The following CCDC40 variants were observed in gnomAD, a reference collection of about 807,000 sequenced individuals.
CCDC40 encodes coiled-coil domain 40 molecular ruler complex subunit.
In CCDC40, 104 loss-of-function variants were observed where a neutral mutation model predicts 124.5. The ratio of observed to expected loss-of-function variants is 0.84; its 90% CI spans 0.71 to 0.98. CCDC40 has a LOEUF of 0.98. Among genes scored for constraint, CCDC40 ranks in the 50% least tolerant of loss-of-function variants. CCDC40 has a pLI of 0.00. For missense variants in CCDC40, 1,463 were observed against 1,503.9 expected, an observed-to-expected ratio of 0.97 and a Z score of 0.45; for synonymous variants, 580 against 602.9, an observed-to-expected ratio of 0.96 and a Z score of 0.56.
intron 10 of CCDC40, chr17:80,067,123 T>G: frequency 5.7e-6 from 1 of 174,396 alleles, no homozygotes; most frequent in Non-Finnish European, 1.2e-5. Flanking sequence ...TCTCCGAGGC[T>G]CATGGCCTGT....
chr17:80,050,134 A>G lies in CCDC40; in HGVS notation c.1010A>G (p.His337Arg), dbSNP rs1391574936. The G allele has an allele frequency of 6.2e-7, 1 of 1,613,706 alleles. No homozygotes were observed. Among genetic ancestry groups the G allele is most frequent in the Admixed American group, 1.7e-5 (1 of 60,014 alleles). Residue 337 changes from histidine (H) to arginine (R), a missense_variant, in exon 7 of 20, where the codon CAC becomes CGC. Coordinates refer to ENST00000397545, the MANE Select transcript of CCDC40 (RefSeq NM_017950.4). The stretch of plus-strand genomic sequence containing the variant: ...GTGAATCTCTATGAGGTGCAGCAGC[A>G]CCTGGTACACCTGCAGAAGCTGCTG... Reference protein sequence around the residue: ...LGVNLYEVQQHLVHLQKLLEK... With the variant: ...LGVNLYEVQQRLVHLQKLLEK...
Position 80,097,286 on chromosome 17 carries a change from A to G in CCDC40, c.3063A>G (p.Glu1021=), listed in dbSNP as rs200650391. 139 of 1,613,870 alleles carry G rather than the reference A, an allele frequency of 8.6e-5. No individual in the cohort carries two copies. The highest frequency in any genetic ancestry group is 1.1e-4 in the Non-Finnish European group (129 of 1,180,028). ...ECTKTVLELE[E]TQRNVSSSLL... ...CCAAAACCGTCCTGGAACTGGAAGAAACACAAAGAAATGTGAGCAGCTCCC... is the reference window on the plus strand; with the variant it reads ...CCAAAACCGTCCTGGAACTGGAAGAGACACAAAGAAATGTGAGCAGCTCCC... Residue 1021 remains glutamate (E), a synonymous_variant, in exon 19 of 20, where the codon GAA becomes GAG. Coordinates refer to ENST00000397545, the MANE Select transcript of CCDC40 (RefSeq NM_017950.4).
chr17:80,050,040 A>G lies in CCDC40; in HGVS notation c.940-24A>G, dbSNP rs764715742. 2.5e-6 allele frequency: 4 copies of G among 1,613,416 alleles called. No homozygotes were observed. The South Asian group carries it at 4.4e-5, about 18-fold the overall frequency. On this transcript the variant is annotated intron_variant, in intron 6 of 19. Coordinates refer to ENST00000397545, the MANE Select transcript of CCDC40 (RefSeq NM_017950.4). ...CTGGTCGGATGCCTGCGTCCTGGTG[A>G]CCCTGTTTCTCTCTTTGGTCCAGGT...
intron 1 of CCDC40, 76 bp from the exon 2 acceptor site, chr17:80,038,047 A>C: frequency 2.2e-6 from 2 of 910,514 alleles, no homozygotes; most frequent in Non-Finnish European, 3.6e-6. Context: ...ACAGATGTGC[A>C]GAATTCAGGA....
At chr17:80,067,692 G>A in intron 10 of CCDC40, 1 of 1,535,628 alleles carries the variant, frequency 6.5e-7, no homozygotes, top group Non-Finnish European at 8.7e-7. Flanking sequence ...ACGCTCACCA[G>A]GATGCTATAT....
At chr17:80,044,706 C>CAAA (rs72238955) in intron 3 of CCDC40, among the ~76,000 whole-genome samples, 1 of 74,088 alleles carries the variant, frequency 1.3e-5, no homozygotes, top group South Asian at 3.8e-4. Context: ...AACAAACAAA[C>CAAA]AAAAAAAAAA....
At chr17:80,064,256 C>T (rs1023596719) in intron 9 of CCDC40, among the ~76,000 whole-genome samples, 2 of 152,200 alleles carry the variant, frequency 1.3e-5, no homozygotes, top group Non-Finnish European at 2.9e-5. Context: ...GATGTTCTAG[C>T]GCACTGTGGT....
chr17:80,055,355 A>G (rs1263886667), intron 7 of CCDC40, among the ~76,000 whole-genome samples: 1 of 152,248 alleles, frequency 6.6e-6, no homozygotes, highest in Non-Finnish European at 1.5e-5. Flanking sequence ...GTAGCTGGAT[A>G]CCAGCTCTGT....
intron 18 of CCDC40, 32 bp from the exon 19 acceptor site, chr17:80,097,213 A>G (rs751536415): frequency 1.2e-6 from 2 of 1,612,672 alleles, no homozygotes; most frequent in Non-Finnish European, 1.7e-6. Flanking sequence ...GCCGGGCTGC[A>G]GGGGCCCAGC....
At chr17:80,068,000 C>G (rs1370362051) in intron 10 of CCDC40, 2 of 1,061,148 alleles carry the variant, frequency 1.9e-6, no homozygotes, top group East Asian at 7.4e-5. Context: ...CACACCAAGG[C>G]CCCGGGGAGG....
At chr17:80,095,840 A>C (rs2038801413) in intron 18 of CCDC40, among the ~76,000 whole-genome samples, 1 of 152,194 alleles carries the variant, frequency 6.6e-6, no homozygotes, top group Non-Finnish European at 1.5e-5. Context: ...TTGGGAAGGC[A>C]TAGAGTTCTG....
At chr17:80,098,923 G>C (rs1321831548) in intron 19 of CCDC40, 1 of 151,150 alleles carries the variant, frequency 6.6e-6, no homozygotes, top group Non-Finnish European at 1.5e-5. Flanking sequence ...AGAGGTTGCA[G>C]TGTGCCAAGA....
chr17:80,085,950 G>A (rs533607651), intron 13 of CCDC40, 53 bp from the exon 14 acceptor site: 109 of 1,521,816 alleles, frequency 7.2e-5, no homozygotes, highest in South Asian at 7.0e-4. Flanking sequence ...AATTACAGGC[G>A]TGAGTCACTG....
Position 80,058,492 on chromosome 17 carries a change from A to G in CCDC40, c.1160-2A>G. The G allele has an allele frequency of 1.9e-6, 3 of 1,613,882 alleles. No homozygotes were observed. Among genetic ancestry groups the G allele is most frequent in the Non-Finnish European group, 2.5e-6 (3 of 1,179,944 alleles). On this transcript the variant is annotated splice_acceptor_variant, in intron 7 of 19. Transcript: ENST00000397545. LOFTEE classifies it high-confidence loss of function. The surrounding 1 kb of genome is among the most constrained non-coding windows in gnomAD (Gnocchi z 4.2). ...CTCTTTCTCCCCCGCCGCGCCCCGC[A>G]GTGGCGGCTCTGCAGACTGAGATGG... is the stretch of plus-strand genomic sequence containing the variant.
chr17:80,060,859 G>A (rs1003819232), intron 9 of CCDC40, among the ~76,000 whole-genome samples: 5 of 152,170 alleles, frequency 3.3e-5, no homozygotes, highest in African/African-American at 7.2e-5. Context: ...CAATGATGTC[G>A]GGACATTTGG....
At chr17:80,055,981 C>CATATATAT (rs1164782051) in intron 7 of CCDC40, among the ~76,000 whole-genome samples, 10 of 26,084 alleles carry the variant, frequency 3.8e-4, no homozygotes, top group African/African-American at 6.9e-4. Flanking sequence ...GGCTAATTTT[C>CATATATAT]ATATATATAT....
intron 1 of CCDC40, 109 bp downstream of exon 1, chr17:80,036,800 TC>T: frequency 2.0e-6 from 2 of 1,002,798 alleles, no homozygotes; most frequent in Non-Finnish European, 2.8e-6. Context: ...TCGCCTCCAC[TC>T]CCCCTTCCTC....
chr17:80,041,306 G>C lies in CCDC40; in HGVS notation c.552+1036G>C, dbSNP rs768785759. ...GTGGATCACTTGAGGCCAGGAGTTC[G>C]ATACCAGCCTGGCCAACATGGTGAA... On this transcript the variant is annotated intron_variant, in intron 3 of 19. Transcript: ENST00000397545. Among the ~76,000 whole-genome samples, 7 of 152,146 alleles carry C rather than the reference G, an allele frequency of 4.6e-5. 1 individual carries two copies. The South Asian group carries it at 1.5e-3, about 32-fold the overall frequency.
chr17:80,047,771 C>T (rs753347142), intron 4 of CCDC40, among the ~76,000 whole-genome samples: 11 of 152,114 alleles, frequency 7.2e-5, no homozygotes, highest in African/African-American at 2.4e-4. Flanking sequence ...CGAGACGTGC[C>T]GTGACAGCAA....
Sources: allele counts gnomAD v4.1 joint callset (sites outside exome capture counted in the v4.1 genomes callset), GRCh38; gene constraint gnomAD v4.1.1; non-coding constraint Gnocchi (gnomAD v3.1); transcripts MANE v1.5; gene names NCBI Gene and HGNC (gene_info 2026-07-23, HGNC 2026-07-21).